Variants in MCPH1 observed in about 807,000 individuals in gnomAD.
The protein encoded by MCPH1 is microcephalin.
MCPH1 carries 104 observed loss-of-function variants against 84.5 expected under a neutral mutation model. The ratio of observed to expected loss-of-function variants is 1.23; its 90% CI spans 1.05 to 1.45. MCPH1 has a LOEUF of 1.45. Ranked by LOEUF, MCPH1 falls within the 40% of genes most tolerant of loss-of-function variation. The probability of loss-of-function intolerance (pLI) is 0.00; values close to 1 mark genes in which losing one functional copy is unlikely to be tolerated. For missense variants in MCPH1, 1,498 were observed against 1,005.7 expected (o/e 1.49, Z -6.62); for synonymous variants, 514 against 366.8 (o/e 1.40, Z -4.58).
At chr8:6,626,417 T>C in intron 13 of MCPH1, 5 of 985,204 alleles carry the variant, frequency 5.1e-6, no homozygotes, top group East Asian at 1.1e-4. Flanking sequence ...GCCAAGATTC[T>C]TGATGAATCA....
At position 6,474,072 on chromosome 8, in the gene MCPH1, T is replaced by C. The variant is rs935705198; in HGVS notation, c.1936-3522T>C. The C allele has an allele frequency of 2.0e-5, 16 of 791,592 alleles. No individual in the cohort carries two copies. In the African/African-American group the frequency reaches 2.7e-4, roughly 13 times the overall value. 49.0% of individuals were successfully genotyped at this position (791,592 alleles called of 1,614,324 possible). A position where few individuals can be genotyped will look rare whatever the true frequency, so the allele number is the denominator to read the frequency against. On this transcript the variant is annotated intron_variant, in intron 9 of 13. Transcript: ENST00000344683. ...ATTTCGTACAATATGTTGGCATCTA[T>C]TCTCAACACAAAAACTATGTGAAAC...
At chr8:6,581,422 G>C (rs1827555098) in intron 12 of MCPH1, among the ~76,000 whole-genome samples, 1 of 152,216 alleles carries the variant, frequency 6.6e-6, no homozygotes, top group Non-Finnish European at 1.5e-5. Context: ...GCCAAGAGAA[G>C]CTGTTGAATC....
chr8:6,647,203 C>A lies in MCPH1; in HGVS notation c.*4154C>A, dbSNP rs1170938415. 1 of 152,052 alleles carries A rather than the reference C, an allele frequency of 6.6e-6. No individual in the cohort carries two copies. The highest frequency in any genetic ancestry group is 1.5e-5 in the Non-Finnish European group (1 of 68,000). The allele number at this position is 152,052 out of a possible 1,614,324, so 9.4% of individuals were successfully genotyped here. On this transcript the variant is annotated 3_prime_UTR_variant, in exon 14 of 14. Coordinates refer to ENST00000344683, the MANE Select transcript of MCPH1 (RefSeq NM_024596.5). ...AATATTATTAGTCACTAGGGAAATA[C>A]AAATTAAAGGCCCAATGAAATACCT...
chr8:6,501,058 C>G (rs573579423), intron 12 of MCPH1: 2 of 152,090 alleles, frequency 1.3e-5, no homozygotes, highest in Non-Finnish European at 2.9e-5. Flanking sequence ...GCCATGATAC[C>G]GTTGTTGAAT....
At chr8:6,615,596 A>C (rs1453560484) in intron 12 of MCPH1, 1 of 152,198 alleles carries the variant, frequency 6.6e-6, no homozygotes, top group Non-Finnish European at 1.5e-5. Context: ...TGGAAAGTAG[A>C]CCAATGTAAG....
intron 8 of MCPH1, chr8:6,446,835 G>A: frequency 5.1e-6 from 5 of 985,354 alleles, no homozygotes; most frequent in Non-Finnish European, 6.0e-6. Context: ...TGCTGGGAGT[G>A]TGCTAGTCCT....
intron 13 of MCPH1, among the ~76,000 whole-genome samples, chr8:6,635,918 C>A (rs1261778753): frequency 1.3e-5 from 2 of 152,230 alleles, no homozygotes; most frequent in East Asian, 1.9e-4. Context: ...TCTGCTGATG[C>A]CACTGGCTGC....
chr8:6,577,186 C>T (rs920020027), intron 12 of MCPH1, among the ~76,000 whole-genome samples: 1 of 152,212 alleles, frequency 6.6e-6, no homozygotes, highest in Non-Finnish European at 1.5e-5. Context: ...GTGGCCAGCG[C>T]CTCTTCCTCA....
intron 5 of MCPH1, among the ~76,000 whole-genome samples, chr8:6,438,266 A>G (rs965490139): frequency 1.3e-5 from 2 of 152,244 alleles, no homozygotes; most frequent in Non-Finnish European, 2.9e-5. Flanking sequence ...TAAAGTATTA[A>G]TGATTCAACT....
In MCPH1 at chr8:6,588,544, G is replaced by T. The variant is rs186152441; in HGVS notation, c.2215-32910G>T. Among the ~76,000 whole-genome samples, 20 of 152,268 alleles carry T rather than the reference G, an allele frequency of 1.3e-4. No individual in the cohort carries two copies. The East Asian group carries it at 3.1e-3, about 24-fold the overall frequency. ...TCTCCCAGGGAGGCTGTGTCCAGCC[G>T]GGCTCCTGGAGTGGCGTAAGTCTGG... is the stretch of plus-strand genomic sequence containing the variant. On this transcript the variant is annotated intron_variant, in intron 12 of 13. Coordinates refer to ENST00000344683, the MANE Select transcript of MCPH1 (RefSeq NM_024596.5).
intron 12 of MCPH1, chr8:6,521,248 A>G (rs765657701): frequency 2.5e-6 from 4 of 1,613,808 alleles, no homozygotes; most frequent in Middle Eastern, 1.6e-4. Flanking sequence ...GCTTCTGAAG[A>G]ACTGAATTAT....
chr8:6,634,169 C>G (rs930284853), intron 13 of MCPH1, among the ~76,000 whole-genome samples: 1 of 152,194 alleles, frequency 6.6e-6, no homozygotes. Context: ...ACCCGTGCCA[C>G]TCAGTGGTAG....
chr8:6,579,138 C>T (rs1321824874), intron 12 of MCPH1, among the ~76,000 whole-genome samples: 1 of 152,192 alleles, frequency 6.6e-6, no homozygotes, highest in Non-Finnish European at 1.5e-5. Flanking sequence ...TTAAAACTCA[C>T]CTAACACCTG....
intron 12 of MCPH1, among the ~76,000 whole-genome samples, chr8:6,541,417 G>C (rs2959820): frequency 6.6e-6 from 1 of 151,836 alleles, no homozygotes; most frequent in South Asian, 2.1e-4. Flanking sequence ...GAGGAGAGGA[G>C]AGGAAAAGCA....
chr8:6,574,262 T>A (rs1826885591), intron 12 of MCPH1, among the ~76,000 whole-genome samples: 1 of 152,170 alleles, frequency 6.6e-6, no homozygotes, highest in Non-Finnish European at 1.5e-5. Flanking sequence ...AGGGCCATGC[T>A]CCCTCTGAAA....
chr8:6,601,829 G>A (rs1337670696), intron 12 of MCPH1, among the ~76,000 whole-genome samples: 1 of 146,492 alleles, frequency 6.8e-6, no homozygotes, highest in Non-Finnish European at 1.5e-5. Flanking sequence ...ATTATCTAAA[G>A]GAGAAGCTTT....
At chr8:6,618,259 C>A (rs1009818634) in intron 12 of MCPH1, among the ~76,000 whole-genome samples, 1 of 152,258 alleles carries the variant, frequency 6.6e-6, no homozygotes, top group Admixed American at 6.5e-5. Context: ...CCGCCTGCTG[C>A]ATCTAATATT....
chr8:6,529,623 ATTTTTTTTTT>A (rs35322987), intron 12 of MCPH1, among the ~76,000 whole-genome samples: 1 of 120,962 alleles, frequency 8.3e-6, no homozygotes, highest in African/African-American at 3.1e-5. Flanking sequence ...CGCCTGGCTA[ATTTTTTTTTT>A]TTTTTTTTTT....
chr8:6,425,940 C>A (rs893866449), intron 3 of MCPH1, among the ~76,000 whole-genome samples: 3 of 152,116 alleles, frequency 2.0e-5, no homozygotes, highest in Non-Finnish European at 4.4e-5. Flanking sequence ...TCAGCCACCC[C>A]CCTTTTGCTG....
Sources: gnomAD v4.1 joint callset for allele counts (sites outside exome capture counted in the v4.1 genomes callset) on GRCh38, gnomAD v4.1.1 for gene constraint, MANE v1.5 for transcripts, NCBI Gene and HGNC (gene_info 2026-07-23, HGNC 2026-07-21) for gene names.